NAV2: variants seen among roughly 807,000 people sequenced by gnomAD.
The protein encoded by NAV2 is helicase, APC down-regulated 1.
Under a neutral mutation model 223.2 loss-of-function variants are expected in NAV2, and 54 were observed. The observed-to-expected ratio is 0.24, with a 90% CI of 0.19 to 0.30. The LOEUF (loss-of-function observed/expected upper bound fraction) is 0.30, where lower values mean the gene tolerates loss of function less well. Ranked by LOEUF, NAV2 falls within the 10% of genes least tolerant of loss-of-function variation. NAV2 has a pLI of 1.00. For missense variants in NAV2, 2,806 were observed against 3,147.5 expected, an observed-to-expected ratio of 0.89 and a Z score of 2.60; for synonymous variants, 1,279 against 1,239.3, an observed-to-expected ratio of 1.03 and a Z score of -0.67.
chr11:19,396,534 T>C (rs976423467), intron 1 of NAV2, among the ~76,000 whole-genome samples: 2 of 152,214 alleles, frequency 1.3e-5, no homozygotes, highest in Admixed American at 1.3e-4. Flanking sequence ...GGCCACACTA[T>C]GAGATCCATG....
chr11:19,629,850 C>T (rs954860726), intron 1 of NAV2, among the ~76,000 whole-genome samples: 4 of 152,154 alleles, frequency 2.6e-5, no homozygotes, highest in Non-Finnish European at 4.4e-5. Flanking sequence ...CTGGAATGGC[C>T]GCATCAACCC....
intron 11 of NAV2, among the ~76,000 whole-genome samples, chr11:20,005,582 G>A (rs1216839080): frequency 2.7e-5 from 4 of 145,902 alleles, no homozygotes; most frequent in Non-Finnish European, 4.5e-5. Flanking sequence ...AAAAAAAAAC[G>A]AGAAATGAGT....
intron 5 of NAV2, among the ~76,000 whole-genome samples, chr11:19,881,835 C>G (rs1483762839): frequency 6.6e-6 from 1 of 152,176 alleles, no homozygotes; most frequent in Non-Finnish European, 1.5e-5. Context: ...ATAGAAAGGT[C>G]TCTCTCAGGA....
intron 1 of NAV2, among the ~76,000 whole-genome samples, chr11:19,632,430 A>AAGTGTTGT (rs533875456): frequency 6.6e-5 from 10 of 152,160 alleles, no homozygotes; most frequent in Non-Finnish European, 1.5e-4. Context: ...TGCAAACTGA[A>AAGTGTTGT]AGTGTTGTCT....
rs766351686 is a variant in NAV2 at position 19,837,569 on chromosome 11, C to A, written c.385+4968C>A. On this transcript the variant is annotated intron_variant, in intron 2 of 37. Coordinates refer to ENST00000349880, the MANE Select transcript of NAV2 (RefSeq NM_145117.5). ...CGTCATGTGCTTCCTGAGGTGATAC[C>A]CTGAGAAGAACACAACATCAGTTAT... 9.1e-4 allele frequency among the ~76,000 whole-genome samples: 138 copies of A among 152,094 alleles called. 1 individual carries two copies. Among genetic ancestry groups the A allele is most frequent in the Middle Eastern group, 3.4e-3 (1 of 294 alleles).
At chr11:19,458,041 C>T (rs902009853) in intron 1 of NAV2, among the ~76,000 whole-genome samples, 7 of 152,178 alleles carry the variant, frequency 4.6e-5, no homozygotes, top group Non-Finnish European at 7.3e-5. Flanking sequence ...ATCTGGTCCC[C>T]CTCCTATGAT....
In NAV2 at chr11:19,703,056, C is replaced by T. The variant is rs1020890127; in HGVS notation, c.76-129428C>T. Reference sequence around the variant, plus strand: ...CTCTTTATAAACATGTTTATTTATACGTATGTACACACACATAAATATATT... The same window carrying T: ...CTCTTTATAAACATGTTTATTTATATGTATGTACACACACATAAATATATT... On this transcript the variant is annotated intron_variant, in intron 1 of 37. Coordinates refer to the NAV2 transcript ENST00000360655. 8.6e-5 allele frequency among the ~76,000 whole-genome samples: 13 copies of T among 151,384 alleles called. No homozygotes were observed. In the East Asian group the frequency reaches 1.4e-3, roughly 16 times the overall value.
At chr11:19,952,324 A>C (rs1252638804) in intron 10 of NAV2, among the ~76,000 whole-genome samples, 7 of 152,232 alleles carry the variant, frequency 4.6e-5, no homozygotes, top group Non-Finnish European at 1.0e-4. Context: ...GACGTTAGGC[A>C]TGTCATTTGA....
At chr11:19,982,865 A>G (rs985348145) in intron 10 of NAV2, among the ~76,000 whole-genome samples, 1 of 152,206 alleles carries the variant, frequency 6.6e-6, no homozygotes, top group African/African-American at 2.4e-5. Flanking sequence ...GGTAGAAGAA[A>G]TTCAAGGATT....
At chr11:19,471,588 A>G (rs1218757893) in intron 1 of NAV2, among the ~76,000 whole-genome samples, 3 of 152,062 alleles carry the variant, frequency 2.0e-5, no homozygotes, top group African/African-American at 7.2e-5. Context: ...GCTGTCCATA[A>G]TCATGCAGAG....
chr11:19,943,145 A>G (rs1016130649), intron 8 of NAV2, among the ~76,000 whole-genome samples: 5 of 152,134 alleles, frequency 3.3e-5, no homozygotes, highest in Non-Finnish European at 5.9e-5. Context: ...TAGCTTCATA[A>G]TCAATATTTT....
At chr11:20,104,111 T>A (rs552384643) in intron 34 of NAV2, 1 of 218,960 alleles carries the variant, frequency 4.6e-6, no homozygotes. Flanking sequence ...CAAGTGAACA[T>A]GAGCAATGAC....
At chr11:19,744,595 T>C (rs2053174276) in intron 1 of NAV2, among the ~76,000 whole-genome samples, 1 of 151,810 alleles carries the variant, frequency 6.6e-6, no homozygotes, top group South Asian at 2.1e-4. Flanking sequence ...GTGACATGGG[T>C]ATAAAAGGAA....
chr11:19,890,398 G>A (rs1385618211), intron 5 of NAV2, among the ~76,000 whole-genome samples: 1 of 152,154 alleles, frequency 6.6e-6, no homozygotes, highest in Non-Finnish European at 1.5e-5. Flanking sequence ...TCAGCCTAGG[G>A]TCAGCACAGC....
At chr11:19,966,794 T>C (rs2048806553) in intron 10 of NAV2, among the ~76,000 whole-genome samples, 1 of 152,222 alleles carries the variant, frequency 6.6e-6, no homozygotes, top group Non-Finnish European at 1.5e-5. Context: ...TTCTCTTATG[T>C]TCTTTGGGCT....
intron 1 of NAV2, among the ~76,000 whole-genome samples, chr11:19,581,879 C>G (rs1050401096): frequency 6.6e-6 from 1 of 152,148 alleles, no homozygotes; most frequent in African/African-American, 2.4e-5. Context: ...GGTATATACC[C>G]AGTAATGGGA....
At chr11:19,421,268 G>C (rs1483950295) in intron 1 of NAV2, among the ~76,000 whole-genome samples, 1 of 152,146 alleles carries the variant, frequency 6.6e-6, no homozygotes, top group Non-Finnish European at 1.5e-5. Flanking sequence ...CTGCAGTCCA[G>C]GTTCCCATCA....
chr11:19,360,228 C>A (rs969974303), intron 1 of NAV2, among the ~76,000 whole-genome samples: 1 of 152,218 alleles, frequency 6.6e-6, no homozygotes, highest in African/African-American at 2.4e-5. Flanking sequence ...AATCTTCCCA[C>A]CCTTGAGACC....
At chr11:20,057,580 C>A in intron 19 of NAV2, among the ~76,000 whole-genome samples, 1 of 152,184 alleles carries the variant, frequency 6.6e-6, no homozygotes, top group Admixed American at 6.5e-5. Context: ...GGCAGTTTGT[C>A]TTGAACTTCT....
Sources: allele counts gnomAD v4.1 joint callset (sites outside exome capture counted in the v4.1 genomes callset), GRCh38; gene constraint gnomAD v4.1.1; transcripts MANE v1.5; gene names NCBI Gene and HGNC (gene_info 2026-07-23, HGNC 2026-07-21).